The following SCN1A variants were observed in gnomAD, a reference collection of about 807,000 sequenced individuals.
The protein encoded by SCN1A is sodium voltage-gated channel alpha subunit 1, also known as sodium channel protein type 1 subunit alpha.
In SCN1A, 13 loss-of-function variants were observed where a neutral mutation model predicts 193.7. The observed-to-expected ratio is 0.07, with a 90% CI of 0.04 to 0.11. SCN1A has a LOEUF of 0.11. SCN1A is among the 10% of genes least tolerant of loss of function. The pLI is 1.00. For synonymous variants in SCN1A, 781 were observed against 843.6 expected (o/e 0.93, Z 1.29); for missense variants, 1,432 against 2,451.1 (o/e 0.58, Z 8.78).
chr2:165,991,068 A>T lies in SCN1A; in HGVS notation c.*177T>A. Reference sequence around the variant, plus strand: ...TGTCAAGGTCATCTCCCCTTTACACAGAGTCACAGTTTGCTGACAAGGGGT... The same window carrying T: ...TGTCAAGGTCATCTCCCCTTTACACTGAGTCACAGTTTGCTGACAAGGGGT... On this transcript the variant is annotated 3_prime_UTR_variant, in exon 29 of 29. Coordinates refer to ENST00000674923, the MANE Select transcript of SCN1A (RefSeq NM_001165963.4). 1 of 608,076 alleles carries T rather than the reference A, an allele frequency of 1.6e-6. No homozygotes were observed. Among genetic ancestry groups the T allele is most frequent in the East Asian group, 2.8e-5 (1 of 35,682 alleles). 37.7% of individuals were successfully genotyped at this position (608,076 alleles called of 1,614,324 possible).
intron 1 of SCN1A, among the ~76,000 whole-genome samples, chr2:166,136,173 C>A (rs1691847706): frequency 1.3e-5 from 2 of 152,164 alleles, no homozygotes; most frequent in South Asian, 4.2e-4. Flanking sequence ...ACATCAAAGT[C>A]ACCTGTATTC....
chr2:166,122,647 G>T (rs979971160), intron 2 of SCN1A, among the ~76,000 whole-genome samples: 1 of 152,046 alleles, frequency 6.6e-6, no homozygotes, highest in Admixed American at 6.6e-5. Flanking sequence ...TTTTCAACAC[G>T]TGGTGCTGGG....
At chr2:166,042,572 G>T (rs1697313107) in intron 14 of SCN1A, 148 bp from the exon 15 acceptor site, 1 of 774,248 alleles carries the variant, frequency 1.3e-6, no homozygotes, top group Non-Finnish European at 2.2e-6. Context: ...CTGACTTATT[G>T]TATCATTAGC....
intron 19 of SCN1A, among the ~76,000 whole-genome samples, chr2:166,022,666 A>C (rs976258329): frequency 6.6e-6 from 1 of 152,180 alleles, no homozygotes; most frequent in African/African-American, 2.4e-5. Context: ...TAACCAATAC[A>C]ATGTGGCAAA....
intron 7 of SCN1A, among the ~76,000 whole-genome samples, chr2:166,053,955 G>T (rs928292251): frequency 2.6e-5 from 4 of 151,828 alleles, no homozygotes; most frequent in African/African-American, 9.7e-5. Context: ...ATGAATAGGA[G>T]ATAAGGATAA....
chr2:166,075,398 T>C (rs1004207108), intron 3 of SCN1A: 2 of 152,068 alleles, frequency 1.3e-5, no homozygotes, highest in Non-Finnish European at 2.9e-5. Context: ...TATTCTATTT[T>C]AAAATACATA....
intron 26 of SCN1A, 66 bp from the exon 27 acceptor site, chr2:165,996,183 A>G (rs1454491413): frequency 2.1e-6 from 2 of 963,668 alleles, no homozygotes; most frequent in Non-Finnish European, 3.3e-6. Flanking sequence ...CAATGTTAAA[A>G]TAGAAAATGG....
upstream of SCN1A, among the ~76,000 whole-genome samples, chr2:166,128,963 C>T (rs1289327264): frequency 6.6e-6 from 1 of 151,954 alleles, no homozygotes; most frequent in African/African-American, 2.4e-5. Flanking sequence ...CATAAAATCA[C>T]GATTATGTGT....
chr2:166,095,399 C>G (rs1449879823), intron 2 of SCN1A, among the ~76,000 whole-genome samples: 1 of 152,046 alleles, frequency 6.6e-6, no homozygotes, highest in African/African-American at 2.4e-5. Context: ...TCCCTTAGTA[C>G]GAATTACTGT....
At chr2:166,055,193 T>C (rs561870150) in intron 6 of SCN1A, among the ~76,000 whole-genome samples, 8 of 23,734 alleles carry the variant, frequency 3.4e-4, no homozygotes, top group Admixed American at 1.4e-3. Context: ...TTAGCACGTG[T>C]TTTTTTTTTT....
intron 2 of SCN1A, among the ~76,000 whole-genome samples, chr2:166,110,867 A>G (rs1689221677): frequency 6.6e-6 from 1 of 152,130 alleles, no homozygotes; most frequent in Non-Finnish European, 1.5e-5. Flanking sequence ...AATAAGTCTC[A>G]GGAGATCTGA....
In SCN1A at chr2:166,113,481, T is replaced by A. The variant is rs932128439; in HGVS notation, c.-142+13443A>T. On this transcript the variant is annotated intron_variant, in intron 2 of 28. Transcript: ENST00000674923. ...GTCCCAATAAATATGAATATTACCATAATAGCTAAAAGAATGCTATTGATT... is the reference window on the plus strand; with the variant it reads ...GTCCCAATAAATATGAATATTACCAAAATAGCTAAAAGAATGCTATTGATT... Among the ~76,000 whole-genome samples the A allele has an allele frequency of 2.0e-5, 3 of 152,176 alleles. No individual in the cohort carries two copies. In the East Asian group the frequency reaches 5.8e-4, roughly 29 times the overall value.
chr2:166,107,921 A>T (rs961120138), intron 2 of SCN1A, among the ~76,000 whole-genome samples: 17 of 152,172 alleles, frequency 1.1e-4, no homozygotes, highest in Non-Finnish European at 1.8e-4. Flanking sequence ...CACCAAATGC[A>T]TAAGTGGTCA....
intron 19 of SCN1A, among the ~76,000 whole-genome samples, chr2:166,035,482 A>G (rs919893895): frequency 1.3e-5 from 2 of 152,220 alleles, no homozygotes; most frequent in African/African-American, 4.8e-5. Flanking sequence ...ATATATAATA[A>G]TAAATACAGG....
intron 1 of SCN1A, among the ~76,000 whole-genome samples, chr2:166,148,581 A>C (rs1011798093): frequency 1.3e-5 from 2 of 152,160 alleles, no homozygotes; most frequent in Non-Finnish European, 1.5e-5. Flanking sequence ...TATTTGTTGA[A>C]GTCACCTAAC....
intron 1 of SCN1A, among the ~76,000 whole-genome samples, chr2:166,144,120 C>T (rs1459934483): frequency 6.6e-6 from 1 of 152,166 alleles, no homozygotes; most frequent in Non-Finnish European, 1.5e-5. Flanking sequence ...GCCTCATTTG[C>T]AAGTTGCTAC....
intron 2 of SCN1A, among the ~76,000 whole-genome samples, chr2:166,078,364 A>T (rs1383153719): frequency 2.7e-5 from 4 of 146,956 alleles, no homozygotes; most frequent in Admixed American, 1.3e-4. Flanking sequence ...GAAAAAATTA[A>T]TTTTTTTCCT....
intron 1 of SCN1A, among the ~76,000 whole-genome samples, chr2:166,133,654 A>T (rs1691747417): frequency 6.6e-6 from 1 of 152,024 alleles, no homozygotes; most frequent in Non-Finnish European, 1.5e-5. Context: ...GGCCTGGTTT[A>T]TTTTTGATCT....
At chr2:166,055,960 A>G (rs1413786266) in intron 6 of SCN1A, among the ~76,000 whole-genome samples, 2 of 152,196 alleles carry the variant, frequency 1.3e-5, no homozygotes, top group East Asian at 3.9e-4. Flanking sequence ...TTGGAACTAT[A>G]TTGGCCTGAC....
Sources: allele counts gnomAD v4.1 joint callset (sites outside exome capture counted in the v4.1 genomes callset), GRCh38; gene constraint gnomAD v4.1.1; transcripts MANE v1.5; gene names NCBI Gene and HGNC (gene_info 2026-07-23, HGNC 2026-07-21).